The following SORCS3 variants were observed in gnomAD, a reference collection of about 807,000 sequenced individuals.
The protein encoded by SORCS3 is VPS10 domain-containing receptor SorCS3.
SORCS3 carries 57 observed loss-of-function variants against 146.3 expected under a neutral mutation model. The ratio of observed to expected loss-of-function variants is 0.39; its 90% CI spans 0.31 to 0.49. SORCS3 has a LOEUF of 0.49. Among genes scored for constraint, SORCS3 ranks in the 20% least tolerant of loss-of-function variants. The pLI, the probability that SORCS3 is intolerant of heterozygous loss-of-function variation, is 0.92. For missense variants in SORCS3, 1,341 were observed against 1,575.5 expected, an observed-to-expected ratio of 0.85 and a Z score of 2.52; for synonymous variants, 653 against 618.5, an observed-to-expected ratio of 1.06 and a Z score of -0.83.
chr10:104,977,883 C>T (rs1416557366), intron 4 of SORCS3, among the ~76,000 whole-genome samples: 3 of 151,806 alleles, frequency 2.0e-5, no homozygotes, highest in African/African-American at 4.8e-5. Flanking sequence ...AGGTGCCCAC[C>T]GCCATGCCCA....
intron 4 of SORCS3, among the ~76,000 whole-genome samples, chr10:105,038,912 TATA>T (rs1225888587): frequency 6.6e-6 from 1 of 152,176 alleles, no homozygotes; most frequent in African/African-American, 2.4e-5. Context: ...AATATTTATT[TATA>T]ATAATTTAAA....
chr10:105,233,648 G>C (rs1363335755), intron 20 of SORCS3, among the ~76,000 whole-genome samples: 6 of 152,166 alleles, frequency 3.9e-5, no homozygotes, highest in Admixed American at 3.9e-4. Flanking sequence ...TTATGAGTGA[G>C]AATATGCAGT....
At chr10:105,080,174 C>A (rs2055613534) in intron 5 of SORCS3, among the ~76,000 whole-genome samples, 1 of 152,152 alleles carries the variant, frequency 6.6e-6, no homozygotes, top group South Asian at 2.1e-4. Context: ...ACACTCATAC[C>A]AACGTGCATA....
At chr10:105,254,915 G>A (rs1342399037) in intron 23 of SORCS3, among the ~76,000 whole-genome samples, 1 of 151,994 alleles carries the variant, frequency 6.6e-6, no homozygotes, top group Non-Finnish European at 1.5e-5. Context: ...GCGGCCAGGC[G>A]CGGTGGCTCA....
At chr10:104,923,624 T>C (rs530039629) in intron 3 of SORCS3, among the ~76,000 whole-genome samples, 1 of 152,300 alleles carries the variant, frequency 6.6e-6, no homozygotes, top group East Asian at 1.9e-4. Context: ...AGATGCTGCC[T>C]GTTCTGGTAA....
chr10:105,196,013 A>G (rs1454322384), intron 14 of SORCS3, among the ~76,000 whole-genome samples: 1 of 151,372 alleles, frequency 6.6e-6, no homozygotes, highest in Non-Finnish European at 1.5e-5. Context: ...ATGCACATGA[A>G]AGGAATGTAC....
chr10:104,878,026 A>T (rs1344546936), intron 2 of SORCS3, among the ~76,000 whole-genome samples: 1 of 152,186 alleles, frequency 6.6e-6, no homozygotes, highest in Non-Finnish European at 1.5e-5. Flanking sequence ...ATCTCAGTGC[A>T]TATGTGGAAT....
At chr10:104,772,371 A>G (rs1375228186) in intron 1 of SORCS3, among the ~76,000 whole-genome samples, 1 of 152,102 alleles carries the variant, frequency 6.6e-6, no homozygotes, top group African/African-American at 2.4e-5. Context: ...CAGTTTTGGC[A>G]TTGATCCTAG....
intron 1 of SORCS3, among the ~76,000 whole-genome samples, chr10:104,833,187 C>T (rs4918130): frequency 0.46 from 70,069 of 152,038 alleles, 18,040 homozygotes; most frequent in East Asian, 0.72. Flanking sequence ...CGGTGACTAG[C>T]GCAATCTGAA....
intron 3 of SORCS3, among the ~76,000 whole-genome samples, chr10:104,927,105 G>A (rs2019156626): frequency 6.6e-6 from 1 of 152,104 alleles, no homozygotes; most frequent in Non-Finnish European, 1.5e-5. Flanking sequence ...GTTTTTATGT[G>A]TCTGTATGTG....
chr10:104,714,472 A>G (rs2016454465), intron 1 of SORCS3, among the ~76,000 whole-genome samples: 2 of 152,266 alleles, frequency 1.3e-5, no homozygotes, highest in Admixed American at 6.5e-5. Flanking sequence ...TAATTTTGTT[A>G]GAAATATTTA....
chr10:104,932,019 G>A (rs925486048), intron 3 of SORCS3, among the ~76,000 whole-genome samples: 1 of 152,180 alleles, frequency 6.6e-6, no homozygotes, highest in Non-Finnish European at 1.5e-5. Context: ...GAAACTTAGT[G>A]TGCACGTTAG....
intron 4 of SORCS3, among the ~76,000 whole-genome samples, chr10:104,981,099 C>A (rs1050043481): frequency 3.9e-4 from 59 of 152,170 alleles, no homozygotes; most frequent in African/African-American, 1.1e-3. Flanking sequence ...AATCCTGATG[C>A]ACCCCAGTCT....
intron 20 of SORCS3, among the ~76,000 whole-genome samples, chr10:105,235,403 C>T (rs2119700851): frequency 6.6e-6 from 1 of 150,672 alleles, no homozygotes; most frequent in Middle Eastern, 3.5e-3. Context: ...AAGGGGCTTC[C>T]TATGAATCCC....
At position 105,253,958 on chromosome 10, in the gene SORCS3, TTAGA is replaced by T. The variant is rs540207654; in HGVS notation, c.3237+1055_3237+1058del. On this transcript the variant is annotated intron_variant, in intron 23 of 26. Coordinates refer to ENST00000369701, the MANE Select transcript of SORCS3 (RefSeq NM_014978.3). ...TTTGGAAGCTACAATATCCATCCAT[TTAGA>T]TAAATAGGTAATTACAGTGATGAAT... Among the ~76,000 whole-genome samples, 18 of 152,298 alleles carry T rather than the reference TTAGA, an allele frequency of 1.2e-4. No homozygotes were observed. In the South Asian group the frequency reaches 3.3e-3, roughly 28 times the overall value.
At chr10:104,724,315 C>G (rs1303462996) in intron 1 of SORCS3, among the ~76,000 whole-genome samples, 2 of 152,182 alleles carry the variant, frequency 1.3e-5, no homozygotes, top group Non-Finnish European at 2.9e-5. Flanking sequence ...CCACTCTCTT[C>G]TGACTTGTAG....
chr10:105,166,521 C>T (rs2056314756), intron 12 of SORCS3, among the ~76,000 whole-genome samples: 1 of 152,230 alleles, frequency 6.6e-6, no homozygotes, highest in Non-Finnish European at 1.5e-5. Context: ...AACTCGGAAC[C>T]TTGTATTGAA....
At chr10:105,250,863 G>A (rs1406166380) in intron 22 of SORCS3, among the ~76,000 whole-genome samples, 1 of 152,114 alleles carries the variant, frequency 6.6e-6, no homozygotes, top group African/African-American at 2.4e-5. Flanking sequence ...CCTGCGGGCT[G>A]GCTCTTTCAC....
At chr10:104,728,126 T>C (rs1044818327) in intron 1 of SORCS3, among the ~76,000 whole-genome samples, 8 of 152,202 alleles carry the variant, frequency 5.3e-5, no homozygotes, top group African/African-American at 1.9e-4. Context: ...CAGGTTTTTT[T>C]TTCTTTTTTA....
Sources: gnomAD v4.1 joint callset for allele counts (sites outside exome capture counted in the v4.1 genomes callset) on GRCh38, gnomAD v4.1.1 for gene constraint, MANE v1.5 for transcripts, NCBI Gene and HGNC (gene_info 2026-07-23, HGNC 2026-07-21) for gene names.